Variants in MGST1 observed in about 807,000 individuals in gnomAD.
MGST1 encodes glutathione S-transferase 12.
A neutral mutation model predicts 8.9 loss-of-function variants in MGST1; 5 were observed. The observed-to-expected ratio is 0.56, with a 90% CI of 0.29 to 1.19. MGST1 has a LOEUF of 1.19. Among genes scored for constraint, MGST1 ranks in the 50% most tolerant of loss-of-function variants. The pLI is 0.08. For missense variants in MGST1, 182 were observed against 187.4 expected, an observed-to-expected ratio of 0.97 and a Z score of 0.17; for synonymous variants, 54 against 67.8, an observed-to-expected ratio of 0.80 and a Z score of 1.00.
chr12:16,405,251 G>A (rs1189956969), intron 1 of MGST1, among the ~76,000 whole-genome samples: 1 of 151,854 alleles, frequency 6.6e-6, no homozygotes, highest in African/African-American at 2.4e-5. Context: ...CTAGGAGCTG[G>A]TTTCGTGGAG....
chr12:16,559,283 A>T lies in MGST1; in HGVS notation n.483-30245A>T, dbSNP rs2137320353. ...CTAAAATCCTCTCCATTTATCATAT[A>T]AAACAGGTGCCAGTAGTATATAGTT... On this transcript the variant is annotated intron_variant and non_coding_transcript_variant, in intron 4 of 4. Coordinates refer to the MGST1 transcript ENST00000538857. This position sits in a 1 kb window ranked among gnomAD's most constrained non-coding sequence, Gnocchi z 4.1. 6.6e-6 allele frequency among the ~76,000 whole-genome samples: 1 copy of T among 152,344 alleles called. No homozygotes were observed. Among genetic ancestry groups the T allele is most frequent in the African/African-American group, 2.4e-5 (1 of 41,588 alleles).
At chr12:16,592,059 C>G (rs1354033977), downstream of MGST1, among the ~76,000 whole-genome samples, 1 of 151,912 alleles carries the variant, frequency 6.6e-6, no homozygotes. Context: ...CCAATTTTCC[C>G]AGACTGGATA....
At chr12:16,357,304 G>A (rs927563267) in intron 2 of MGST1, among the ~76,000 whole-genome samples, 1 of 152,154 alleles carries the variant, frequency 6.6e-6, no homozygotes, top group Admixed American at 6.5e-5. Flanking sequence ...CTGTCACCCA[G>A]ACTAGATTGT....
At chr12:16,444,104 AC>A (rs1443392786) in intron 4 of MGST1, among the ~76,000 whole-genome samples, 1 of 150,426 alleles carries the variant, frequency 6.6e-6, no homozygotes, top group Non-Finnish European at 1.5e-5. Context: ...AATATCTGCC[AC>A]TCTGATCAAT....
chr12:16,434,471 C>A (rs1940966490), intron 1 of MGST1, among the ~76,000 whole-genome samples: 2 of 150,666 alleles, frequency 1.3e-5, no homozygotes, highest in South Asian at 4.2e-4. Context: ...TGTTTCCGTT[C>A]AATTTTTAAC....
At chr12:16,566,817 C>T (rs1249275274) in intron 4 of MGST1, among the ~76,000 whole-genome samples, 1 of 152,074 alleles carries the variant, frequency 6.6e-6, no homozygotes, top group Non-Finnish European at 1.5e-5. Flanking sequence ...CAAACATGCA[C>T]ATACACACAT....
rs1201835862 is a variant in MGST1 at position 16,548,502 on chromosome 12, CTG to C, written n.483-41024_483-41023del. The C allele has an allele frequency of 1.3e-5, 2 of 152,256 alleles. No individual in the cohort carries two copies. The highest frequency in any genetic ancestry group is 3.4e-3 in the Middle Eastern group (1 of 294). The allele number at this position is 152,256 out of a possible 1,614,324, so 9.4% of individuals were successfully genotyped here. ...CAGGTCAACTTTTAAACTCAGCACT[CTG>C]TTGGAGTGGAGGTGCACGGTCCTTC... On this transcript the variant is annotated intron_variant and non_coding_transcript_variant, in intron 4 of 4. Transcript: ENST00000538857. This position sits in a 1 kb window ranked among gnomAD's most constrained non-coding sequence, Gnocchi z 4.2.
rs1192931255 is a variant in MGST1 at position 16,361,111 on chromosome 12, A to G, written c.222-2684A>G. Among the ~76,000 whole-genome samples, 1 of 152,042 alleles carries G rather than the reference A, an allele frequency of 6.6e-6. No individual in the cohort carries two copies. The highest frequency in any genetic ancestry group is 1.5e-5 in the Non-Finnish European group (1 of 68,010). ...GAAGAGTATTAGGATTTGAAAGGAG[A>G]AAGAGGAGAGAAGTCTCATCAATTT... On this transcript the variant is annotated intron_variant, in intron 3 of 3. Coordinates refer to ENST00000396210, the MANE Select transcript of MGST1 (RefSeq NM_020300.5). This position sits in a 1 kb window ranked among gnomAD's most constrained non-coding sequence, Gnocchi z 4.2.
At chr12:16,524,798 A>C (rs1383307615) in intron 4 of MGST1, among the ~76,000 whole-genome samples, 1 of 152,086 alleles carries the variant, frequency 6.6e-6, no homozygotes, top group Non-Finnish European at 1.5e-5. Flanking sequence ...AACTATGACT[A>C]TGTGGCATAT....
At chr12:16,463,670 C>G (rs552609423) in intron 4 of MGST1, among the ~76,000 whole-genome samples, 1 of 151,540 alleles carries the variant, frequency 6.6e-6, no homozygotes, top group Non-Finnish European at 1.5e-5. Flanking sequence ...ATATTTTGCT[C>G]TTAAAAATAG....
At position 16,585,221 on chromosome 12, in the gene MGST1, G is replaced by A. The variant is rs567848743; in HGVS notation, n.483-4307G>A. Reference sequence around the variant, plus strand: ...GGAGGCAATTGAGTTTGTAATTCCCGTCTTAGCCCTTGGCAAGATAAATAA... The same window carrying A: ...GGAGGCAATTGAGTTTGTAATTCCCATCTTAGCCCTTGGCAAGATAAATAA... On this transcript the variant is annotated intron_variant and non_coding_transcript_variant, in intron 4 of 4. Transcript: ENST00000538857. This position sits in a 1 kb window ranked among gnomAD's most constrained non-coding sequence, Gnocchi z 4.7. 5.3e-5 allele frequency among the ~76,000 whole-genome samples: 8 copies of A among 152,160 alleles called. No individual in the cohort carries two copies. The highest frequency in any genetic ancestry group is 9.6e-5 in the African/African-American group (4 of 41,516).
At chr12:16,440,430 T>C (rs1445623046), downstream of MGST1, among the ~76,000 whole-genome samples, 6 of 152,012 alleles carry the variant, frequency 3.9e-5, no homozygotes, top group South Asian at 1.0e-3. Context: ...AACTTCTTTT[T>C]TGATTTTCAT....
chr12:16,554,215 C>T (rs944830917), intron 4 of MGST1, among the ~76,000 whole-genome samples: 1 of 152,090 alleles, frequency 6.6e-6, no homozygotes, highest in Non-Finnish European at 1.5e-5. Context: ...AAATATAGTG[C>T]TTAGTTTTAA....
At position 16,547,737 on chromosome 12, in the gene MGST1, TG is replaced by T. The variant is rs1941843572; in HGVS notation, n.483-41790del. Among the ~76,000 whole-genome samples the T allele has an allele frequency of 6.6e-6, 1 of 152,166 alleles. No homozygotes were observed. The highest frequency in any genetic ancestry group is 2.4e-5 in the African/African-American group (1 of 41,450). On this transcript the variant is annotated intron_variant and non_coding_transcript_variant, in intron 4 of 4. Coordinates refer to the MGST1 transcript ENST00000538857. The surrounding 1 kb of genome is among the most constrained non-coding windows in gnomAD (Gnocchi z 4.6). ...TAACAATGTTTTTAAGAAAAAGTAA[TG>T]ATCAAAAAGGCTTTTGCTAAAATTG...
In MGST1 at chr12:16,395,788, T is replaced by TACACACACAC. The variant is rs1352434655; in HGVS notation, n.778+12185_778+12186insCACACACACA. ...GCTGAGTAGTATTCCATCATATATA[T>TACACACACAC]ATATATATATATATATACACACACA... On this transcript the variant is annotated intron_variant and non_coding_transcript_variant, in intron 1 of 1. Coordinates refer to the MGST1 transcript ENST00000359720. 1.5e-3 allele frequency among the ~76,000 whole-genome samples: 178 copies of TACACACACAC among 121,590 alleles called. 1 individual carries two copies. The highest frequency in any genetic ancestry group is 6.2e-3 in the East Asian group (21 of 3,362). The allele number at this position is 121,590 out of a possible 152,430, so 79.8% of individuals were successfully genotyped here.
chr12:16,371,980 C>T (rs969372878), intron 3 of MGST1, among the ~76,000 whole-genome samples: 2 of 151,898 alleles, frequency 1.3e-5, no homozygotes, highest in Non-Finnish European at 1.5e-5. Context: ...TGGATCTCCA[C>T]GTGCAGAAAA....
At chr12:16,403,611 G>A (rs752272638) in intron 1 of MGST1, among the ~76,000 whole-genome samples, 5 of 151,904 alleles carry the variant, frequency 3.3e-5, no homozygotes, top group Non-Finnish European at 7.4e-5. Context: ...CATTATGTTT[G>A]TATTAGTCTC....
At chr12:16,444,183 G>GTTTTTTTTTT (rs1161206533) in intron 4 of MGST1, among the ~76,000 whole-genome samples, 3 of 128,488 alleles carry the variant, frequency 2.3e-5, no homozygotes, top group Admixed American at 7.8e-5. Flanking sequence ...GGCTGATTTG[G>GTTTTTTTTTT]TTTTTTTTTT....
rs567869412 is a variant in MGST1 at position 16,479,211 on chromosome 12, T to TAA, written n.482+95608_482+95609dup. On this transcript the variant is annotated intron_variant and non_coding_transcript_variant, in intron 4 of 4. Transcript: ENST00000538857. ...ATTCCATTGTGTGTATATATATATA[T>TAA]AACGTATTTTTAATAGACTGTATCT... Among the ~76,000 whole-genome samples, 34 of 150,650 alleles carry TAA rather than the reference T, an allele frequency of 2.3e-4. No individual in the cohort carries two copies. The South Asian group carries it at 5.7e-3, about 25-fold the overall frequency.
Sources: gnomAD v4.1 joint callset for allele counts (sites outside exome capture counted in the v4.1 genomes callset) on GRCh38, gnomAD v4.1.1 for gene constraint, Gnocchi (gnomAD v3.1) non-coding constraint, MANE v1.5 for transcripts, NCBI Gene and HGNC (gene_info 2026-07-23, HGNC 2026-07-21) for gene names.